Variants in UAP1L1 observed in about 807,000 individuals in gnomAD.
UAP1L1 encodes the protein UDP-N-acetylglucosamine pyrophosphorylase 1 like 1, also known as UDP-N-acetylhexosamine pyrophosphorylase-like protein 1.
A neutral mutation model predicts 45.3 loss-of-function variants in UAP1L1; 45 were observed. The ratio of observed to expected loss-of-function variants is 0.99; its 90% confidence interval spans 0.78 to 1.27. The LOEUF is 1.27. UAP1L1 is among the 50% of genes most tolerant of loss of function. UAP1L1 has a pLI of 0.00. For missense variants in UAP1L1, 667 were observed against 694.0 expected, an observed-to-expected ratio of 0.96 and a Z score of 0.44; for synonymous variants, 323 against 303.9, an observed-to-expected ratio of 1.06 and a Z score of -0.65.
chr9:137,082,038 T>C lies in UAP1L1; in HGVS notation c.1405T>C (p.Ser469Pro), dbSNP rs766373523. 3.1e-6 allele frequency: 5 copies of C among 1,613,938 alleles called. No homozygotes were observed. Among genetic ancestry groups the C allele is most frequent in the Admixed American group, 1.7e-5 (1 of 60,006 alleles). Residue 469 changes from serine to proline, a missense_variant, in exon 8 of 9, where the codon TCG (serine) becomes CCG (proline). Ser to Pro is a moderately conservative substitution (Grantham distance 74). Transcript: ENST00000409858. This position sits in a 1 kb window ranked among gnomAD's most constrained non-coding sequence, Gnocchi z 5.7. ...AGACCCTCCGGCCATCTGTGAGATA[T>C]CGCCCTTGGTGTCTTACTCTGGAGA... is the stretch of plus-strand genomic sequence containing the variant. ...NGDPPAICEI[S>P]PLVSYSGEGL... is the part of the protein sequence containing the mutation.
In UAP1L1 at chr9:137,079,417, C is replaced by T; in HGVS notation, c.1005C>T (p.Phe335=). The change falls in exon 5 of 9, where the codon TTC becomes TTT. Residue 335 remains phenylalanine (F), a synonymous_variant. Coordinates refer to ENST00000409858, the MANE Select transcript of UAP1L1 (RefSeq NM_207309.3). ...LYNAGNICNH[F]FTRGFLKAVT... The stretch of plus-strand genomic sequence containing the variant: ...ATGCAGGCAACATCTGCAACCACTT[C>T]TTCACCCGAGGCTTCCTTAAGGCGG... 1.3e-6 allele frequency: 2 copies of T among 1,599,460 alleles called. No homozygotes were observed. The highest frequency in any genetic ancestry group is 1.7e-4 in the Middle Eastern group (1 of 6,020).
rs1832837657 is a variant in UAP1L1, at chr9:137,084,411, T to A, written c.*1682T>A. 6.6e-6 allele frequency: 1 copy of A among 152,286 alleles called. No individual in the cohort carries two copies. The highest frequency in any genetic ancestry group is 2.4e-5 in the African/African-American group (1 of 41,436). 9.4% of individuals were successfully genotyped at this position (152,286 alleles called of 1,614,324 possible). The stretch of plus-strand genomic sequence containing the variant: ...GGATGGTCTCGATCTCCTGACCTCG[T>A]GATCCACCCACCTCGGCCTCCCAAA... On this transcript the variant is annotated 3_prime_UTR_variant, in exon 9 of 9. Coordinates refer to ENST00000409858, the MANE Select transcript of UAP1L1 (RefSeq NM_207309.3).
intron 1 of UAP1L1, 32 bp from the exon 2 acceptor site, chr9:137,078,018 C>T (rs763713286): frequency 3.0e-5 from 46 of 1,543,484 alleles, no homozygotes; most frequent in Non-Finnish European, 4.4e-6. Context: ...GGGCGGGTCC[C>T]GGGCGTCCCT....
intron 3 of UAP1L1, 138 bp from the exon 4 acceptor site, chr9:137,078,838 C>A: frequency 7.7e-7 from 1 of 1,304,530 alleles, no homozygotes; most frequent in Non-Finnish European, 1.0e-6. Flanking sequence ...CATGGTACAC[C>A]AACTGGGCTG....
Position 137,077,719 on chromosome 9 carries a change from CCG to C in UAP1L1, c.189_190del (p.Pro64AlafsTer91). Reference protein sequence around the residue: ...AAEACARPHGPPPDLAARLRP... With the variant: ...AAEACARPHGXPPDLAARLRP... Reference sequence around the variant, plus strand: ...GGAGGCCTGCGCGCGCCCCCACGGCCCGCCGCCCGACTTGGCCGCGCGCCTGC... The same window carrying C: ...GGAGGCCTGCGCGCGCCCCCACGGCCCCGCCCGACTTGGCCGCGCGCCTGC... On this transcript the variant is annotated frameshift_variant, in exon 1 of 9. Coordinates refer to ENST00000409858, the MANE Select transcript of UAP1L1 (RefSeq NM_207309.3). LOFTEE classifies it high-confidence loss of function. The surrounding 1 kb of genome is among the most constrained non-coding windows in gnomAD (Gnocchi z 4.7). The C allele has an allele frequency of 8.6e-7, 1 of 1,165,366 alleles. No individual in the cohort carries two copies. Among genetic ancestry groups the C allele is most frequent in the South Asian group, 4.2e-5 (1 of 23,854 alleles). The allele number at this position is 1,165,366 out of a possible 1,614,324, so 72.2% of individuals were successfully genotyped here.
At chr9:137,080,568 C>A in intron 6 of UAP1L1, 121 bp from the exon 7 acceptor site, 1 of 1,022,644 alleles carries the variant, frequency 9.8e-7, no homozygotes, top group Non-Finnish European at 1.4e-6. Flanking sequence ...GGGCTCCTCC[C>A]TAGACTTGCT....
At position 137,079,436 on chromosome 9, in the gene UAP1L1, A is replaced by C; in HGVS notation, c.1024A>C (p.Lys342Gln). 1 of 1,589,994 alleles carries C rather than the reference A, an allele frequency of 6.3e-7. No homozygotes were observed. Among genetic ancestry groups the C allele is most frequent in the Non-Finnish European group, 8.6e-7 (1 of 1,162,860 alleles). The stretch of plus-strand genomic sequence containing the variant: ...CCACTTCTTCACCCGAGGCTTCCTT[A>C]AGGCGGTCACCAGGTGTGCGGCAGC... ...CNHFFTRGFL[K>Q]AVTREFEPLL... The change falls in exon 5 of 9, where the codon AAG (lysine) becomes CAG (glutamine). Residue 342 changes from lysine (K) to glutamine (Q), a missense_variant. By Grantham distance (53) the Lys-to-Gln change is moderately conservative. Coordinates refer to ENST00000409858, the MANE Select transcript of UAP1L1 (RefSeq NM_207309.3).
At chr9:137,078,898 G>T in intron 3 of UAP1L1, 78 bp from the exon 4 acceptor site, 1 of 1,495,092 alleles carries the variant, frequency 6.7e-7, no homozygotes, top group Non-Finnish European at 8.9e-7. Context: ...GGCTTCCCCC[G>T]CCTCCAGCAC....
Position 137,078,099 on chromosome 9 carries a change from G to A in UAP1L1, c.339G>A (p.Gly113=). 1 of 1,550,218 alleles carries A rather than the reference G, an allele frequency of 6.5e-7. No homozygotes were observed. Among genetic ancestry groups the A allele is most frequent in the Non-Finnish European group, 8.7e-7 (1 of 1,146,886 alleles). ...AGGTGGCCGTCCTGCTGCTGGCTGGGGGGCAGGGCACTCGCCTGGGCGTGA... is the reference window on the plus strand; with the variant it reads ...AGGTGGCCGTCCTGCTGCTGGCTGGAGGGCAGGGCACTCGCCTGGGCGTGA... ...LNKVAVLLLA[G]GQGTRLGVTY... Residue 113 remains glycine (G), a synonymous_variant, in exon 2 of 9, where the codon GGG becomes GGA. Transcript: ENST00000409858.
chr9:137,078,905 G>A, intron 3 of UAP1L1, 71 bp from the exon 4 acceptor site: 1 of 1,511,972 alleles, frequency 6.6e-7, no homozygotes, highest in Non-Finnish European at 8.8e-7. Context: ...CCCGCCTCCA[G>A]CACGTCCTAG....
In UAP1L1 at chr9:137,077,773, A is replaced by C; in HGVS notation, c.241A>C (p.Arg81=). ...LRPLPPERVG[R]ASRSDPETRR... is the part of the protein sequence containing the mutation. The stretch of plus-strand genomic sequence containing the variant: ...GCCCCTGCCCCCAGAGCGCGTGGGC[A>C]GGGCCAGCCGCAGCGACCCCGAGAC... The change falls in exon 1 of 9, where the codon AGG becomes CGG. Residue 81 remains arginine, a synonymous_variant. Transcript: ENST00000409858. The surrounding 1 kb of genome is among the most constrained non-coding windows in gnomAD (Gnocchi z 4.7). The C allele has an allele frequency of 7.5e-7, 1 of 1,327,616 alleles. No individual in the cohort carries two copies. The highest frequency in any genetic ancestry group is 9.6e-7 in the Non-Finnish European group (1 of 1,041,948). The allele number at this position is 1,327,616 out of a possible 1,614,324, so 82.2% of individuals were successfully genotyped here. A position where few individuals can be genotyped will look rare whatever the true frequency, so the allele number is the denominator to read the frequency against.
rs993281318 is a variant in UAP1L1 at position 137,084,150 on chromosome 9, G to C, written c.*1421G>C. On this transcript the variant is annotated 3_prime_UTR_variant, in exon 9 of 9. Coordinates refer to ENST00000409858, the MANE Select transcript of UAP1L1 (RefSeq NM_207309.3). Reference sequence around the variant, plus strand: ...TTCCTCATGGCCATGACTGGAACAGGGATGCAACCTCTTTCTACACAAGCA... The same window carrying C: ...TTCCTCATGGCCATGACTGGAACAGCGATGCAACCTCTTTCTACACAAGCA... 7 of 152,260 alleles carry C rather than the reference G, an allele frequency of 4.6e-5. No individual in the cohort carries two copies. The highest frequency in any genetic ancestry group is 1.9e-4 in the East Asian group (1 of 5,204). 9.4% of individuals were successfully genotyped at this position (152,260 alleles called of 1,614,324 possible).
Position 137,078,202 on chromosome 9 carries a change from C to A in UAP1L1, c.442C>A (p.Arg148=). The A allele has an allele frequency of 6.5e-7, 1 of 1,548,976 alleles. No homozygotes were observed. Among genetic ancestry groups the A allele is most frequent in the Non-Finnish European group, 8.7e-7 (1 of 1,146,684 alleles). Residue 148 remains arginine, a synonymous_variant, in exon 2 of 9, where the codon CGG becomes AGG. Coordinates refer to ENST00000409858, the MANE Select transcript of UAP1L1 (RefSeq NM_207309.3). ...CCAGCTGCAGGCGGAGCGGATTCGGCGGGTGGAGCAGCTGGCCGGTGAGCG... is the reference window on the plus strand; with the variant it reads ...CCAGCTGCAGGCGGAGCGGATTCGGAGGGTGGAGCAGCTGGCCGGTGAGCG... The part of the protein sequence containing the change: ...LYQLQAERIR[R]VEQLAGERHG...
rs1318576491 is a variant in UAP1L1, at chr9:137,082,764, T to C, written c.*35T>C. On this transcript the variant is annotated 3_prime_UTR_variant, in exon 9 of 9. Coordinates refer to ENST00000409858, the MANE Select transcript of UAP1L1 (RefSeq NM_207309.3). The surrounding 1 kb of genome is among the most constrained non-coding windows in gnomAD (Gnocchi z 5.7). Reference sequence around the variant, plus strand: ...ACTGTCCCCAGACTCCCCCGAGACCTGCCAGCCCCGGCATCCTGGAAGTCC... The same window carrying C: ...ACTGTCCCCAGACTCCCCCGAGACCCGCCAGCCCCGGCATCCTGGAAGTCC... 5.3e-6 allele frequency: 8 copies of C among 1,511,640 alleles called. No individual in the cohort carries two copies. Among genetic ancestry groups the C allele is most frequent in the Non-Finnish European group, 7.1e-6 (8 of 1,122,354 alleles). 93.6% of individuals were successfully genotyped at this position (1,511,640 alleles called of 1,614,324 possible). A position where few individuals can be genotyped will look rare whatever the true frequency, so the allele number is the denominator to read the frequency against.
Position 137,079,435 on chromosome 9 carries a change from T to G in UAP1L1, c.1023T>G (p.Leu341=). 6.3e-7 allele frequency: 1 copy of G among 1,590,028 alleles called. No homozygotes were observed. The highest frequency in any genetic ancestry group is 8.6e-7 in the Non-Finnish European group (1 of 1,162,840). ...ICNHFFTRGF[L]KAVTREFEPL... is the part of the protein sequence containing the mutation. Reference sequence around the variant, plus strand: ...ACCACTTCTTCACCCGAGGCTTCCTTAAGGCGGTCACCAGGTGTGCGGCAG... The same window carrying G: ...ACCACTTCTTCACCCGAGGCTTCCTGAAGGCGGTCACCAGGTGTGCGGCAG... Residue 341 remains leucine (L), a synonymous_variant, in exon 5 of 9, where the codon CTT becomes CTG. Coordinates refer to ENST00000409858, the MANE Select transcript of UAP1L1 (RefSeq NM_207309.3).
In UAP1L1 at chr9:137,080,725, AT is replaced by A; in HGVS notation, c.1219del (p.Ser407ProfsTer3). 6.2e-7 allele frequency: 1 copy of A among 1,612,402 alleles called. No individual in the cohort carries two copies. The highest frequency in any genetic ancestry group is 8.5e-7 in the Non-Finnish European group (1 of 1,179,712). ...AALEVLREEE[F>X]SPLKNAEPAD... ...CCTTGGAAGTGCTGCGGGAGGAGGA[AT>A]TTTCCCCACTGAAGAACGCAGAGCC... On this transcript the variant is annotated frameshift_variant, in exon 7 of 9. Transcript: ENST00000409858. LOFTEE classifies it high-confidence loss of function.
Position 137,082,216 on chromosome 9 carries a change from T to C in UAP1L1, c.1431+152T>C, listed in dbSNP as rs1175653348. The C allele has an allele frequency of 1.3e-6, 1 of 777,064 alleles. No individual in the cohort carries two copies. The allele number at this position is 777,064 out of a possible 1,614,324, so 48.1% of individuals were successfully genotyped here. On this transcript the variant is annotated intron_variant, in intron 8 of 8. Transcript: ENST00000409858. The surrounding 1 kb of genome is among the most constrained non-coding windows in gnomAD (Gnocchi z 5.7). Reference sequence around the variant, plus strand: ...TAAATTTGCAGAAGACTTTCCAAGATATGGGTTGGGGTGGGGTGAGGCATC... The same window carrying C: ...TAAATTTGCAGAAGACTTTCCAAGACATGGGTTGGGGTGGGGTGAGGCATC...
At position 137,079,398 on chromosome 9, in the gene UAP1L1, G is replaced by A. The variant is rs753635555; in HGVS notation, c.986G>A (p.Gly329Asp). The change falls in exon 5 of 9, where the codon GGC becomes GAC. Residue 329 changes from glycine (G) to aspartate (D), a missense_variant. Transcript: ENST00000409858. The part of the protein sequence containing the change: ...ASDGSLLYNA[G>D]NICNHFFTRG... ...GACGGGAGCCTGCTGTACAATGCAGGCAACATCTGCAACCACTTCTTCACC... is the reference window on the plus strand; with the variant it reads ...GACGGGAGCCTGCTGTACAATGCAGACAACATCTGCAACCACTTCTTCACC... The A allele has an allele frequency of 3.7e-6, 6 of 1,605,842 alleles. No homozygotes were observed. In the African/African-American group the frequency reaches 4.0e-5, roughly 11 times the overall value.
Position 137,080,808 on chromosome 9 carries a change from G to T in UAP1L1, c.1298G>T (p.Arg433Leu). ...ARQALLTQHYRWALRAGARFL... is the reference protein window; with the variant it reads ...ARQALLTQHYLWALRAGARFL... ...CAGGCCCTGCTCACCCAGCACTACC[G>T]GTGGGCTCTGCGGGCCGGGGCCCGC... Residue 433 changes from arginine (R) to leucine (L), a missense_variant, in exon 7 of 9, where the codon CGG (arginine) becomes CTG (leucine). Physicochemically the swap from Arg to Leu is moderately radical, Grantham distance 102. Transcript: ENST00000409858. The T allele has an allele frequency of 1.9e-6, 3 of 1,611,638 alleles. No homozygotes were observed. Among genetic ancestry groups the T allele is most frequent in the Non-Finnish European group, 2.5e-6 (3 of 1,179,778 alleles).
Sources: allele counts gnomAD v4.1 joint callset, GRCh38; gene constraint gnomAD v4.1.1; non-coding constraint Gnocchi (gnomAD v3.1); transcripts MANE v1.5; gene names NCBI Gene and HGNC (gene_info 2026-07-23, HGNC 2026-07-21).